Variants in USP39 observed in about 807,000 individuals in gnomAD.
USP39 encodes ubiquitin carboxyl-terminal hydrolase 39.
Under a neutral mutation model 66.4 loss-of-function variants are expected in USP39, and 38 were observed. The observed-to-expected ratio is 0.57, with a 90% CI of 0.44 to 0.75. The LOEUF (loss-of-function observed/expected upper bound fraction) is 0.75. USP39 is among the 30% of genes least tolerant of loss of function. USP39 has a pLI of 0.00. For missense variants in USP39, 608 were observed against 714.4 expected (o/e 0.85, Z 1.70); for synonymous variants, 303 against 274.6 (o/e 1.10, Z -1.02).
Position 85,625,524 on chromosome 2 carries a change from TC to T in USP39, c.571-14del. ...TCAGCTCTTAAACAACTTAGCATTT[TC>T]TTTTGCTTTGCAGTATGTGTTGAAG... On this transcript the variant is annotated splice_polypyrimidine_tract_variant and intron_variant, in intron 4 of 12. Coordinates refer to ENST00000323701, the MANE Select transcript of USP39 (RefSeq NM_006590.4). 1.2e-6 allele frequency: 2 copies of T among 1,613,262 alleles called. No individual in the cohort carries two copies. Among genetic ancestry groups the T allele is most frequent in the East Asian group, 2.2e-5 (1 of 44,830 alleles).
rs771302010 is a variant in USP39 at position 85,616,447 on chromosome 2, T to G, written c.252T>G (p.Pro84=). Residue 84 remains proline, a synonymous_variant, in exon 1 of 13, where the codon CCT becomes CCG. Coordinates refer to ENST00000323701, the MANE Select transcript of USP39 (RefSeq NM_006590.4). ...REREVDEDSE[P]EREVRAKNGR... is the part of the protein sequence containing the mutation. ...GCGAGGTCGATGAGGACTCGGAGCC[T>G]GAGCGGGAGGTGCGAGGTGCGCGGG... 1 of 1,558,192 alleles carries G rather than the reference T, an allele frequency of 6.4e-7. No individual in the cohort carries two copies.
chr2:85,616,419 A>G lies in USP39; in HGVS notation c.224A>G (p.Glu75Gly), dbSNP rs763704524. ...SVVPFVRVKREREVDEDSEPE... is the reference protein window; with the variant it reads ...SVVPFVRVKRGREVDEDSEPE... The stretch of plus-strand genomic sequence containing the variant: ...GTCCCGTTTGTGCGGGTGAAGCGGG[A>G]GCGCGAGGTCGATGAGGACTCGGAG... Residue 75 changes from glutamate to glycine, a missense_variant, in exon 1 of 13, where the codon GAG becomes GGG. This residue lies in a region of USP39 where 207 missense variants were observed against 145.7 expected (regional missense o/e 1.42). Coordinates refer to ENST00000323701, the MANE Select transcript of USP39 (RefSeq NM_006590.4). 1.3e-6 allele frequency: 2 copies of G among 1,593,662 alleles called. No homozygotes were observed. The highest frequency in any genetic ancestry group is 1.7e-6 in the Non-Finnish European group (2 of 1,168,398).
intron 5 of USP39, among the ~76,000 whole-genome samples, chr2:85,629,539 T>C (rs542449031): frequency 1.7e-4 from 25 of 151,094 alleles, no homozygotes; most frequent in Non-Finnish European, 3.3e-4. Flanking sequence ...TCTTGTTGTC[T>C]AGGCTGGAGT....
chr2:85,605,689 T>C (rs1174024380), intron 1 of USP39, among the ~76,000 whole-genome samples: 1 of 152,220 alleles, frequency 6.6e-6, no homozygotes, highest in East Asian at 1.9e-4. Flanking sequence ...CTCATTTAAA[T>C]TTGTGAGCCT....
chr2:85,618,564 AAAAAAAAAAAC>A (rs1674190905), intron 1 of USP39, among the ~76,000 whole-genome samples: 3 of 151,380 alleles, frequency 2.0e-5, no homozygotes, highest in Non-Finnish European at 4.4e-5. Flanking sequence ...TCCGTCTCAA[AAAAAAAAAAAC>A]AAAAAAAAAA....
intron 3 of USP39, among the ~76,000 whole-genome samples, chr2:85,622,008 C>T (rs376798887): frequency 6.6e-6 from 1 of 151,812 alleles, no homozygotes; most frequent in Non-Finnish European, 1.5e-5. Flanking sequence ...TTAGTAGAAA[C>T]GGGGTTTCAC....
At position 85,649,153 on chromosome 2, in the gene USP39, C is replaced by A. The variant is rs1040473887; in HGVS notation, c.*345C>A. ...CAGATAATTCCTTCCAAACATCAAG[C>A]CTTGGGATTCTTGGAGCAAGCAGAA... On this transcript the variant is annotated 3_prime_UTR_variant, in exon 13 of 13. Coordinates refer to ENST00000323701, the MANE Select transcript of USP39 (RefSeq NM_006590.4). The A allele has an allele frequency of 4.6e-6, 1 of 219,166 alleles. No individual in the cohort carries two copies. Among genetic ancestry groups the A allele is most frequent in the Non-Finnish European group, 8.9e-6 (1 of 112,252 alleles). 13.6% of individuals were successfully genotyped at this position (219,166 alleles called of 1,614,324 possible).
intron 2 of USP39, 62 bp from the exon 3 acceptor site, chr2:85,621,423 C>CT (rs1363730392): frequency 6.9e-7 from 1 of 1,444,144 alleles, no homozygotes; most frequent in Non-Finnish European, 9.7e-7. Context: ...GCCAGCACTG[C>CT]TTCATTTGCG....
chr2:85,629,048 C>T (rs377201361), intron 5 of USP39, among the ~76,000 whole-genome samples: 1 of 152,220 alleles, frequency 6.6e-6, no homozygotes, highest in East Asian at 1.9e-4. Flanking sequence ...CTTTGGTCCT[C>T]TTCCTCCCAG....
In USP39 at chr2:85,636,127, A is replaced by G; in HGVS notation, c.1024A>G (p.Lys342Glu). 5 of 1,613,664 alleles carry G rather than the reference A, an allele frequency of 3.1e-6. No homozygotes were observed. The highest frequency in any genetic ancestry group is 2.5e-6 in the Non-Finnish European group (3 of 1,179,870). The change falls in exon 7 of 13, where the codon AAG (lysine) becomes GAG (glutamate). Residue 342 changes from lysine (K) to glutamate (E), a missense_variant. Transcript: ENST00000323701. ...TCTGGGGGGCACAAAGAAGAAAAAGAAGAGTAAGTCATTTACTTATAAAAA... is the reference window on the plus strand; with the variant it reads ...TCTGGGGGGCACAAAGAAGAAAAAGGAGAGTAAGTCATTTACTTATAAAAA... ...SALGGTKKKK[K>E]TIVTDVFQGS...
At chr2:85,635,386 C>T (rs1480451147) in intron 6 of USP39, among the ~76,000 whole-genome samples, 1 of 152,062 alleles carries the variant, frequency 6.6e-6, no homozygotes, top group Admixed American at 6.6e-5. Context: ...ATGGTGAAGC[C>T]CCGTCTCTAC....
chr2:85,646,003 C>G (rs924910434), intron 11 of USP39: 1 of 152,190 alleles, frequency 6.6e-6, no homozygotes, highest in African/African-American at 2.4e-5. Flanking sequence ...TAGAGCCTTA[C>G]CATCCAAAGT....
chr2:85,640,812 C>T (rs918857391), intron 9 of USP39, among the ~76,000 whole-genome samples, 164 bp from the exon 10 acceptor site: 3 of 142,184 alleles, frequency 2.1e-5, no homozygotes, highest in African/African-American at 7.8e-5. Context: ...CTTAGCCAAA[C>T]TGCACATCCT....
rs541843831 is a variant in USP39 at position 85,625,789 on chromosome 2, C to T, written c.723+98C>T. On this transcript the variant is annotated intron_variant, in intron 5 of 12. Transcript: ENST00000323701. ...ATCCCAGCACTTTGGGAGGCCAAGG[C>T]AGGCGGATTGCCTGAGGTCAAGAGT... 6.8e-6 allele frequency: 10 copies of T among 1,461,780 alleles called. No homozygotes were observed. The East Asian group carries it at 2.4e-4, about 36-fold the overall frequency. The allele number at this position is 1,461,780 out of a possible 1,614,324, so 90.6% of individuals were successfully genotyped here.
upstream of USP39, chr2:85,612,013 G>T (rs1673582627): frequency 3.5e-6 from 5 of 1,438,520 alleles, no homozygotes; most frequent in Non-Finnish European, 4.6e-6. Context: ...AGTCGCCGCC[G>T]CCTCGACGGC....
intron 9 of USP39, 125 bp from the exon 10 acceptor site, chr2:85,640,851 G>C: frequency 1.4e-6 from 1 of 696,808 alleles, no homozygotes. Flanking sequence ...CTCGGACCAG[G>C]AGTCTTGTGA....
chr2:85,611,179 G>T, upstream of USP39: 1 of 1,023,696 alleles, frequency 9.8e-7, no homozygotes. Context: ...TTGCACTCCA[G>T]CCTGGGCGAC....
chr2:85,616,115 C>T (rs1220405081), upstream of USP39: 19 of 1,372,830 alleles, frequency 1.4e-5, no homozygotes, highest in South Asian at 2.8e-4. Flanking sequence ...GGCTCGCTAC[C>T]AGCCCCTCTC....
intron 3 of USP39, 125 bp from the exon 4 acceptor site, chr2:85,623,521 G>A: frequency 7.6e-7 from 1 of 1,313,010 alleles, no homozygotes; most frequent in Non-Finnish European, 1.0e-6. Flanking sequence ...TTTTATGAAT[G>A]GCATAATATT....
Sources: gnomAD v4.1 joint callset for allele counts (sites outside exome capture counted in the v4.1 genomes callset) on GRCh38, gnomAD v4.1.1 for gene constraint, gnomAD v4.1.1 regional missense constraint, MANE v1.5 for transcripts, NCBI Gene and HGNC (gene_info 2026-07-23, HGNC 2026-07-21) for gene names.